Variants in NDUFAF5 observed in about 807,000 individuals in gnomAD.
NDUFAF5 encodes NADH:ubiquinone oxidoreductase complex assembly factor 5.
NDUFAF5 carries 34 observed loss-of-function variants against 48.9 expected under a neutral mutation model. That is an observed-to-expected ratio of 0.70 (90% confidence interval 0.53 to 0.93). The LOEUF (loss-of-function observed/expected upper bound fraction) is 0.93. Among genes scored for constraint, NDUFAF5 ranks in the 40% least tolerant of loss-of-function variants. The pLI is 0.00. For synonymous variants in NDUFAF5, 153 were observed against 150.6 expected, an observed-to-expected ratio of 1.02 and a Z score of -0.12; for missense variants, 428 against 427.5, an observed-to-expected ratio of 1.00 and a Z score of -0.01.
rs1325690528 is a variant in NDUFAF5 at position 13,818,152 on chromosome 20, G to A, written c.*942G>A. 39 of 453,866 alleles carry A rather than the reference G, an allele frequency of 8.6e-5. No individual in the cohort carries two copies. Among genetic ancestry groups the A allele is most frequent in the Non-Finnish European group, 1.6e-4 (36 of 226,778 alleles). The allele number at this position is 453,866 out of a possible 1,614,324, so 28.1% of individuals were successfully genotyped here. On this transcript the variant is annotated 3_prime_UTR_variant, in exon 11 of 11. Coordinates refer to ENST00000378106, the MANE Select transcript of NDUFAF5 (RefSeq NM_024120.5). ...TTCTGCCTTCCTTCCCTCCTTTACT[G>A]TATTAGCAACAAGCTGTCCATGGGT...
intron 5 of NDUFAF5, among the ~76,000 whole-genome samples, chr20:13,796,833 G>A (rs144116555): frequency 2.6e-5 from 4 of 152,256 alleles, no homozygotes; most frequent in Admixed American, 2.0e-4. Context: ...ACAAAAATTA[G>A]CTGCATGTCA....
chr20:13,802,136 G>A (rs1246805384), intron 7 of NDUFAF5, among the ~76,000 whole-genome samples: 2 of 152,240 alleles, frequency 1.3e-5, no homozygotes, highest in East Asian at 1.9e-4. Context: ...GGCCTAGGGT[G>A]AGATCAAGGC....
intron 8 of NDUFAF5, among the ~76,000 whole-genome samples, chr20:13,810,587 G>A (rs1320993977): frequency 6.6e-6 from 1 of 151,994 alleles, no homozygotes; most frequent in Non-Finnish European, 1.5e-5. Context: ...GAAGAGAGGA[G>A]AGGAATAGAA....
Position 13,818,232 on chromosome 20 carries a change from T to C in NDUFAF5, c.*1022T>C, listed in dbSNP as rs997976056. 4.4e-5 allele frequency: 20 copies of C among 453,990 alleles called. No individual in the cohort carries two copies. Among genetic ancestry groups the C allele is most frequent in the Non-Finnish European group, 7.5e-5 (17 of 226,796 alleles). 28.1% of individuals were successfully genotyped at this position (453,990 alleles called of 1,614,324 possible). Reference sequence around the variant, plus strand: ...CATGGGACTTTCCACATAGTAGATATTCAGTTACATTTTGAACTAATTATA... The same window carrying C: ...CATGGGACTTTCCACATAGTAGATACTCAGTTACATTTTGAACTAATTATA... On this transcript the variant is annotated 3_prime_UTR_variant, in exon 11 of 11. Transcript: ENST00000378106.
chr20:13,805,146 A>G (rs937891305), intron 7 of NDUFAF5, among the ~76,000 whole-genome samples: 5 of 152,070 alleles, frequency 3.3e-5, no homozygotes, highest in African/African-American at 1.2e-4. Context: ...AAAGTATAGG[A>G]GGTGTAGGGC....
intron 7 of NDUFAF5, among the ~76,000 whole-genome samples, chr20:13,806,457 C>G (rs141242564): frequency 4.0e-3 from 611 of 152,222 alleles, no homozygotes; most frequent in East Asian, 0.012. Context: ...TGCAGTGAGC[C>G]GAGATCGCAC....
chr20:13,803,117 T>C (rs1274847855), intron 7 of NDUFAF5: 6 of 152,174 alleles, frequency 3.9e-5, no homozygotes, highest in Non-Finnish European at 5.9e-5. Flanking sequence ...CAACCAAAAA[T>C]AGATTGTGTC....
At chr20:13,815,786 G>T (rs1032587712) in intron 8 of NDUFAF5, among the ~76,000 whole-genome samples, 1 of 152,066 alleles carries the variant, frequency 6.6e-6, no homozygotes, top group African/African-American at 2.4e-5. Context: ...TTAAGTATTT[G>T]TATAAAGAAA....
chr20:13,800,827 C>T (rs1185509366), intron 6 of NDUFAF5, among the ~76,000 whole-genome samples: 1 of 152,124 alleles, frequency 6.6e-6, no homozygotes, highest in African/African-American at 2.4e-5. Flanking sequence ...GCTGCCAGAT[C>T]GTCTGGGAGC....
chr20:13,816,350 C>A, intron 8 of NDUFAF5, 113 bp from the exon 9 acceptor site: 1 of 786,770 alleles, frequency 1.3e-6, no homozygotes, highest in Non-Finnish European at 2.3e-6. Flanking sequence ...TTTACATGAC[C>A]CTTAGAGAAT....
Position 13,817,990 on chromosome 20 carries a change from C to G in NDUFAF5, c.*780C>G, listed in dbSNP as rs1177220317. The G allele has an allele frequency of 2.2e-6, 1 of 454,144 alleles. No individual in the cohort carries two copies. The highest frequency in any genetic ancestry group is 1.6e-5 in the South Asian group (1 of 64,478). The allele number at this position is 454,144 out of a possible 1,614,324, so 28.1% of individuals were successfully genotyped here. A position where few individuals can be genotyped will look rare whatever the true frequency, so the allele number is the denominator to read the frequency against. On this transcript the variant is annotated 3_prime_UTR_variant, in exon 11 of 11. Coordinates refer to ENST00000378106, the MANE Select transcript of NDUFAF5 (RefSeq NM_024120.5). Reference sequence around the variant, plus strand: ...AGCAGGGAGAAGGCTGAGAAGCAAGCAGGAGTGAGCGCTAAGTGTTTTGTT... The same window carrying G: ...AGCAGGGAGAAGGCTGAGAAGCAAGGAGGAGTGAGCGCTAAGTGTTTTGTT...
Position 13,821,353 on chromosome 20 carries a change from C to A in NDUFAF5, c.*4143C>A, listed in dbSNP as rs1474862937. ...CCAGCAGCCATATTGTAAGGCCACT[C>A]AACTCCATGGAGAAGACCTAGAAGT... On this transcript the variant is annotated 3_prime_UTR_variant, in exon 11 of 11. Coordinates refer to ENST00000378106, the MANE Select transcript of NDUFAF5 (RefSeq NM_024120.5). The A allele has an allele frequency of 3.9e-5, 6 of 152,212 alleles. No individual in the cohort carries two copies. Among genetic ancestry groups the A allele is most frequent in the Non-Finnish European group, 5.9e-5 (4 of 68,058 alleles). 9.4% of individuals were successfully genotyped at this position (152,212 alleles called of 1,614,324 possible). A position where few individuals can be genotyped will look rare whatever the true frequency, so the allele number is the denominator to read the frequency against.
At chr20:13,814,662 GT>G in intron 8 of NDUFAF5, 1 of 406,860 alleles carries the variant, frequency 2.5e-6, no homozygotes, top group Non-Finnish European at 4.5e-6. Context: ...AGATTTTTCT[GT>G]TATCTCAAAG....
chr20:13,801,783 C>T (rs1418417903), intron 7 of NDUFAF5, 100 bp downstream of exon 7: 1 of 990,900 alleles, frequency 1.0e-6, no homozygotes, highest in Admixed American at 2.1e-5. Flanking sequence ...GGTTTCATGG[C>T]ACTCTTTCTC....
At chr20:13,812,449 C>T (rs1317191484) in intron 8 of NDUFAF5, among the ~76,000 whole-genome samples, 1 of 152,134 alleles carries the variant, frequency 6.6e-6, no homozygotes, top group Non-Finnish European at 1.5e-5. Context: ...ATATATCACT[C>T]GGGCTCTAAT....
intron 5 of NDUFAF5, 143 bp from the exon 6 acceptor site, chr20:13,798,318 T>A: frequency 1.4e-6 from 1 of 701,928 alleles, no homozygotes; most frequent in Non-Finnish European, 2.6e-6. Flanking sequence ...TTAAAACCTG[T>A]ATGAAAACGA....
intron 8 of NDUFAF5, among the ~76,000 whole-genome samples, chr20:13,815,830 A>G (rs1986392174): frequency 1.3e-5 from 2 of 152,250 alleles, no homozygotes; most frequent in South Asian, 4.1e-4. Flanking sequence ...TAAATGAACA[A>G]TAGAATAATG....
chr20:13,812,104 C>G (rs972457643), intron 8 of NDUFAF5, among the ~76,000 whole-genome samples: 2 of 152,236 alleles, frequency 1.3e-5, no homozygotes, highest in African/African-American at 4.8e-5. Context: ...CAAACTCATG[C>G]TTCTTGGCTC....
intron 3 of NDUFAF5, among the ~76,000 whole-genome samples, chr20:13,791,337 T>A (rs995190767): frequency 3.9e-5 from 6 of 152,184 alleles, no homozygotes; most frequent in Non-Finnish European, 8.8e-5. Flanking sequence ...AGACCTCAGT[T>A]TCTATAAAAT....
Sources: allele counts gnomAD v4.1 joint callset (sites outside exome capture counted in the v4.1 genomes callset), GRCh38; gene constraint gnomAD v4.1.1; transcripts MANE v1.5; gene names NCBI Gene and HGNC (gene_info 2026-07-23, HGNC 2026-07-21).